The following LPIN1 variants were observed in gnomAD, a reference collection of about 807,000 sequenced individuals.
LPIN1 encodes the protein lipin 1.
LPIN1 carries 71 observed loss-of-function variants against 107.5 expected under a neutral mutation model. The ratio of observed to expected loss-of-function variants is 0.66; its 90% CI spans 0.55 to 0.80. LPIN1 has a LOEUF of 0.80. LPIN1 is among the 30% of genes least tolerant of loss of function. LPIN1 has a pLI of 0.00. For synonymous variants in LPIN1, 445 were observed against 452.6 expected (o/e 0.98, Z 0.21); for missense variants, 1,043 against 1,160.6 (o/e 0.90, Z 1.47).
chr2:11,825,801 A>G lies in LPIN1; in HGVS notation c.*1010A>G, dbSNP rs1340711865. On this transcript the variant is annotated 3_prime_UTR_variant, in exon 21 of 21. Transcript: ENST00000674199. The surrounding 1 kb of genome is among the most constrained non-coding windows in gnomAD (Gnocchi z 4.1). ...TCTTTTAGATATTATGTATTGTTTT[A>G]CTCTGATTAGGTTACTGTGATAGGC... is the stretch of plus-strand genomic sequence containing the variant. The G allele has an allele frequency of 6.6e-6, 1 of 152,126 alleles. No individual in the cohort carries two copies. The highest frequency in any genetic ancestry group is 1.5e-5 in the Non-Finnish European group (1 of 68,028). The allele number at this position is 152,126 out of a possible 1,614,324, so 9.4% of individuals were successfully genotyped here.
chr2:11,758,834 G>C (rs1036176548), intron 1 of LPIN1, among the ~76,000 whole-genome samples: 11 of 152,216 alleles, frequency 7.2e-5, no homozygotes, highest in African/African-American at 2.4e-4. Context: ...TTTGCCATGG[G>C]GGGAGCTTCG....
At chr2:11,762,985 T>G (rs1035947327) in intron 1 of LPIN1, 1 of 152,152 alleles carries the variant, frequency 6.6e-6, no homozygotes, top group Non-Finnish European at 1.5e-5. Flanking sequence ...CGGGGTGGAC[T>G]GGAAGTTACG....
chr2:11,776,047 T>G, intron 5 of LPIN1, 39 bp from the exon 6 acceptor site: 1 of 1,179,824 alleles, frequency 8.5e-7, no homozygotes, highest in Non-Finnish European at 1.2e-6. Context: ...ACCTCTGATT[T>G]TGTCTTTCTT....
chr2:11,750,161 T>A (rs1238393421), intron 1 of LPIN1, among the ~76,000 whole-genome samples: 10 of 151,992 alleles, frequency 6.6e-5, no homozygotes, highest in Non-Finnish European at 1.5e-5. Flanking sequence ...ACACACTCAC[T>A]TTTTGATGAA....
intron 1 of LPIN1, among the ~76,000 whole-genome samples, chr2:11,725,134 G>A (rs373491195): frequency 4.6e-5 from 7 of 152,120 alleles, no homozygotes; most frequent in African/African-American, 1.4e-4. Flanking sequence ...GTTGGCGGGC[G>A]CCTGTAGTCC....
chr2:11,806,526 T>C (rs1381149350), intron 17 of LPIN1, among the ~76,000 whole-genome samples: 2 of 151,994 alleles, frequency 1.3e-5, no homozygotes, highest in African/African-American at 4.8e-5. Context: ...AACCCAGGAG[T>C]TCGAATCCAG....
intron 4 of LPIN1, among the ~76,000 whole-genome samples, chr2:11,773,062 C>T (rs1672113742): frequency 6.6e-6 from 1 of 152,150 alleles, no homozygotes; most frequent in Non-Finnish European, 1.5e-5. Context: ...GACAGATGGC[C>T]TCTGCATGAT....
intron 1 of LPIN1, among the ~76,000 whole-genome samples, chr2:11,699,373 A>G (rs377378874): frequency 5.9e-5 from 9 of 152,318 alleles, no homozygotes; most frequent in African/African-American, 2.2e-4. Flanking sequence ...AGTTGATGTC[A>G]GGGTCGACCC....
At chr2:11,790,565 A>AT (rs1329254375) in intron 12 of LPIN1, among the ~76,000 whole-genome samples, 1 of 152,234 alleles carries the variant, frequency 6.6e-6, no homozygotes, top group African/African-American at 2.4e-5. Flanking sequence ...TTGCAGCCTG[A>AT]TTCTTGAACA....
intron 1 of LPIN1, among the ~76,000 whole-genome samples, chr2:11,678,837 G>C (rs62116182): frequency 0.078 from 11,888 of 152,294 alleles, 631 homozygotes; most frequent in Middle Eastern, 0.16. Flanking sequence ...GCAGGGGAGA[G>C]ACATCAGGCT....
chr2:11,799,065 C>T (rs1019530368), intron 14 of LPIN1, among the ~76,000 whole-genome samples: 1 of 152,160 alleles, frequency 6.6e-6, no homozygotes, highest in African/African-American at 2.4e-5. Flanking sequence ...GTGGGGGCCT[C>T]CGAAAAGGAG....
At chr2:11,750,593 A>C (rs1193924475) in intron 1 of LPIN1, among the ~76,000 whole-genome samples, 1 of 152,246 alleles carries the variant, frequency 6.6e-6, no homozygotes, top group Non-Finnish European at 1.5e-5. Flanking sequence ...TATTTGGTGC[A>C]TGTGCTTTGA....
chr2:11,806,490 G>A (rs1208738051), intron 17 of LPIN1, among the ~76,000 whole-genome samples: 3 of 152,066 alleles, frequency 2.0e-5, no homozygotes, highest in African/African-American at 7.2e-5. Flanking sequence ...CAGCTATTTG[G>A]GAGGCTGAGG....
rs1366273206 is a variant in LPIN1 at position 11,803,058 on chromosome 2, C to A, written c.2013+25C>A. 8 of 1,611,524 alleles carry A rather than the reference C, an allele frequency of 5.0e-6. No individual in the cohort carries two copies. The highest frequency in any genetic ancestry group is 6.8e-6 in the Non-Finnish European group (8 of 1,180,014). ...TGTGAGTCTCCCATGCTTGGCGCGG[C>A]TGTGTTGTGAGCACATGAGGTTTCT... is the stretch of plus-strand genomic sequence containing the variant. On this transcript the variant is annotated intron_variant, in intron 15 of 20. Coordinates refer to ENST00000674199, the MANE Select transcript of LPIN1 (RefSeq NM_001349206.2). This position sits in a 1 kb window ranked among gnomAD's most constrained non-coding sequence, Gnocchi z 4.2.
intron 6 of LPIN1, among the ~76,000 whole-genome samples, chr2:11,777,981 G>A (rs1285461155): frequency 6.6e-6 from 1 of 152,148 alleles, no homozygotes; most frequent in East Asian, 1.9e-4. Context: ...GCCCCTCGCT[G>A]GAGGCCACAG....
intron 1 of LPIN1, among the ~76,000 whole-genome samples, chr2:11,691,770 G>A (rs1242855390): frequency 6.6e-6 from 1 of 152,188 alleles, no homozygotes; most frequent in Non-Finnish European, 1.5e-5. Flanking sequence ...AGAAAGAATA[G>A]AGCCAGTGGC....
At chr2:11,691,089 T>G (rs1291003080) in intron 1 of LPIN1, among the ~76,000 whole-genome samples, 3 of 151,088 alleles carry the variant, frequency 2.0e-5, no homozygotes, top group Non-Finnish European at 4.4e-5. Flanking sequence ...TTGTGGTTTT[T>G]TTTTTTTTTT....
chr2:11,700,015 C>A (rs1662788962), intron 1 of LPIN1, among the ~76,000 whole-genome samples: 1 of 152,174 alleles, frequency 6.6e-6, no homozygotes, highest in Non-Finnish European at 1.5e-5. Context: ...CTGGCACAGC[C>A]CTTGGCACAT....
chr2:11,740,113 C>T (rs767746819), intron 1 of LPIN1, among the ~76,000 whole-genome samples: 3 of 152,138 alleles, frequency 2.0e-5, no homozygotes, highest in African/African-American at 7.2e-5. Context: ...TGGAGTCCGA[C>T]GGCTGGAGAC....
Sources: gnomAD v4.1 joint callset for allele counts (sites outside exome capture counted in the v4.1 genomes callset) on GRCh38, gnomAD v4.1.1 for gene constraint, Gnocchi (gnomAD v3.1) non-coding constraint, MANE v1.5 for transcripts, NCBI Gene and HGNC (gene_info 2026-07-23, HGNC 2026-07-21) for gene names.